HSF2: variants seen among roughly 807,000 people sequenced by gnomAD.
The protein encoded by HSF2 is heat shock transcription factor 2.
Under a neutral mutation model 65.0 loss-of-function variants are expected in HSF2, and 21 were observed. The observed-to-expected ratio is 0.32, with a 90% CI of 0.23 to 0.47. The LOEUF (loss-of-function observed/expected upper bound fraction) is 0.47. HSF2 is among the 20% of genes least tolerant of loss of function. The pLI, the probability that HSF2 is intolerant of heterozygous loss-of-function variation, is 1.00. For synonymous variants in HSF2, 225 were observed against 219.1 expected (o/e 1.03, Z -0.24); for missense variants, 499 against 628.1 (o/e 0.79, Z 2.20).
In HSF2 at chr6:122,422,994, C is replaced by A. The variant is rs796658580; in HGVS notation, c.1070+37C>A. On this transcript the variant is annotated intron_variant, in intron 9 of 12. Coordinates refer to ENST00000368455, the MANE Select transcript of HSF2 (RefSeq NM_004506.4). Reference sequence around the variant, plus strand: ...TCTAGATGTTGTCTAAAATTATTTGCTTTCTTTGTTCACTTCACATGTTCT... The same window carrying A: ...TCTAGATGTTGTCTAAAATTATTTGATTTCTTTGTTCACTTCACATGTTCT... 5 of 1,607,572 alleles carry A rather than the reference C, an allele frequency of 3.1e-6. No individual in the cohort carries two copies. In the African/African-American group the frequency reaches 4.0e-5, roughly 13 times the overall value.
rs1773863558 is a variant in HSF2, at chr6:122,406,218, C to T, written c.94-6155C>T. On this transcript the variant is annotated intron_variant, in intron 1 of 12. Transcript: ENST00000368455. ...TGGAGCAATAAATTGATAACTGGCC[C>T]ATAAACAGACTAGGATTTGTGAATA... 3.9e-5 allele frequency among the ~76,000 whole-genome samples: 6 copies of T among 152,146 alleles called. 1 individual carries two copies. The South Asian group carries it at 1.2e-3, about 32-fold the overall frequency.
chr6:122,423,687 G>A lies in HSF2; in HGVS notation c.1176+1G>A. ...CATAGACCCAGATCTCCTGGTTGAT[G>A]TAGGTACTTTGGGTAATCTTTGCTA... On this transcript the variant is annotated splice_donor_variant, in intron 10 of 12. Transcript: ENST00000368455. LOFTEE classifies it high-confidence loss of function. The A allele has an allele frequency of 6.4e-7, 1 of 1,567,922 alleles. No individual in the cohort carries two copies.
At chr6:122,423,041 CT>C (rs1462768870) in intron 9 of HSF2, 84 bp downstream of exon 9, 8 of 1,470,770 alleles carry the variant, frequency 5.4e-6, no homozygotes, top group African/African-American at 2.8e-5. Flanking sequence ...AGTAATCTTC[CT>C]TTCAGATGAT....
chr6:122,403,771 T>C (rs1773797567), intron 1 of HSF2, among the ~76,000 whole-genome samples: 1 of 152,180 alleles, frequency 6.6e-6, no homozygotes, highest in South Asian at 2.1e-4. Flanking sequence ...TAGTCTGTTG[T>C]CAGAATCAAG....
At chr6:122,422,076 A>T in intron 7 of HSF2, 74 bp from the exon 8 acceptor site, 1 of 1,054,152 alleles carries the variant, frequency 9.5e-7, no homozygotes, top group Non-Finnish European at 1.4e-6. Flanking sequence ...TTGCCTAGTT[A>T]TTTTGTAGAT....
rs1247740949 is a variant in HSF2 at position 122,432,016 on chromosome 6, A to G, written c.1407A>G (p.Ala469=). Residue 469 remains alanine (A), a synonymous_variant, in exon 13 of 13, where the codon GCA becomes GCG. Transcript: ENST00000368455. ...ASSVEQASTT[A]SSEVLSSVDK... ...CTGTTGAACAGGCGAGTACAACAGCATCATCAGAAGTTTTGTCCTCTGTAG... is the reference window on the plus strand; with the variant it reads ...CTGTTGAACAGGCGAGTACAACAGCGTCATCAGAAGTTTTGTCCTCTGTAG... The G allele has an allele frequency of 1.2e-6, 2 of 1,613,996 alleles. No individual in the cohort carries two copies. The highest frequency in any genetic ancestry group is 1.7e-5 in the Admixed American group (1 of 60,000).
chr6:122,426,683 T>C (rs1037463084), intron 10 of HSF2, among the ~76,000 whole-genome samples: 1 of 152,076 alleles, frequency 6.6e-6, no homozygotes. Flanking sequence ...TATGGAACTT[T>C]AAAGAGAGGA....
chr6:122,399,865 G>T (rs1773677785), intron 1 of HSF2, 35 bp downstream of exon 1: 3 of 1,480,906 alleles, frequency 2.0e-6, no homozygotes, highest in African/African-American at 1.4e-5. Context: ...TGAACCCCCT[G>T]AATAACCGCC....
Position 122,422,849 on chromosome 6 carries a change from C to T in HSF2, c.962C>T (p.Pro321Leu). The T allele has an allele frequency of 1.2e-6, 2 of 1,613,710 alleles. No individual in the cohort carries two copies. Among genetic ancestry groups the T allele is most frequent in the South Asian group, 2.2e-5 (2 of 91,084 alleles). ...SLSSGSDGSS[P>L]LMSSAVQLNG... is the part of the protein sequence containing the mutation. ...AGTTCAGGCAGTGATGGCAGCAGCC[C>T]TCTCATGTCTAGTGCTGTCCAGCTA... Residue 321 changes from proline to leucine, a missense_variant, in exon 9 of 13, where the codon CCT becomes CTT. Transcript: ENST00000368455.
At chr6:122,409,126 G>C (rs1388490802) in intron 1 of HSF2, among the ~76,000 whole-genome samples, 2 of 151,828 alleles carry the variant, frequency 1.3e-5, no homozygotes, top group African/African-American at 4.8e-5. Flanking sequence ...GAATATGAAT[G>C]GTGCCACGAT....
intron 10 of HSF2, among the ~76,000 whole-genome samples, chr6:122,426,961 T>G (rs1774351255): frequency 6.6e-6 from 1 of 152,062 alleles, no homozygotes; most frequent in African/African-American, 2.4e-5. Flanking sequence ...GCCGCTAGTA[T>G]TATACCCGTG....
At chr6:122,417,041 C>A (rs766430675) in intron 5 of HSF2, among the ~76,000 whole-genome samples, 4 of 152,016 alleles carry the variant, frequency 2.6e-5, no homozygotes, top group Non-Finnish European at 5.9e-5. Flanking sequence ...GGCCCTTGAA[C>A]TAAAAATAGG....
chr6:122,411,892 C>A (rs929085321), intron 1 of HSF2, among the ~76,000 whole-genome samples: 2 of 151,790 alleles, frequency 1.3e-5, no homozygotes, highest in East Asian at 3.9e-4. Context: ...AATTTAGTAA[C>A]CACGTATCTT....
chr6:122,416,160 T>G, intron 4 of HSF2, 61 bp from the exon 5 acceptor site: 1 of 991,026 alleles, frequency 1.0e-6, no homozygotes, highest in Non-Finnish European at 1.6e-6. Flanking sequence ...TTAAAGATAC[T>G]ATGGTCTGGT....
At chr6:122,401,321 G>GT (rs2114414567) in intron 1 of HSF2, among the ~76,000 whole-genome samples, 1 of 152,296 alleles carries the variant, frequency 6.6e-6, no homozygotes, top group African/African-American at 2.4e-5. Flanking sequence ...AGAAGGATCA[G>GT]TACAGACTGT....
chr6:122,422,276 G>A lies in HSF2; in HGVS notation c.808G>A (p.Asp270Asn). The change falls in exon 8 of 13, where the codon GAT becomes AAT. Residue 270 changes from aspartate (D) to asparagine (N), a missense_variant. Around this residue, in one of 2 missense-constraint regions of HSF2, gnomAD observed 349 missense variants for 393.5 expected, o/e 0.89. Transcript: ENST00000368455. ...NIPVIPETNEDVISDPSNCSQ... is the reference protein window; with the variant it reads ...NIPVIPETNENVISDPSNCSQ... Reference sequence around the variant, plus strand: ...CCCAGTTATTCCAGAAACTAATGAGGATGTTATATCTGATCCCTCCAAGTA... The same window carrying A: ...CCCAGTTATTCCAGAAACTAATGAGAATGTTATATCTGATCCCTCCAAGTA... 6.3e-7 allele frequency: 1 copy of A among 1,599,250 alleles called. No individual in the cohort carries two copies. Among genetic ancestry groups the A allele is most frequent in the Non-Finnish European group, 8.6e-7 (1 of 1,167,624 alleles).
intron 1 of HSF2, among the ~76,000 whole-genome samples, chr6:122,410,410 A>T (rs1343747076): frequency 6.6e-6 from 1 of 151,552 alleles, no homozygotes; most frequent in Non-Finnish European, 1.5e-5. Flanking sequence ...TTAGTTTCTA[A>T]TTTTTTTAAT....
At chr6:122,427,830 G>T in intron 10 of HSF2, 73 bp from the exon 11 acceptor site, 1 of 1,049,898 alleles carries the variant, frequency 9.5e-7, no homozygotes, top group South Asian at 1.4e-5. Context: ...CAACATGGCT[G>T]TATAAAATTT....
intron 1 of HSF2, among the ~76,000 whole-genome samples, chr6:122,400,190 C>T (rs1039567314): frequency 1.3e-5 from 2 of 152,112 alleles, no homozygotes; most frequent in African/African-American, 4.8e-5. Flanking sequence ...CATCCTCCGT[C>T]CTCCCGCCCG....
Sources: gnomAD v4.1 joint callset for allele counts (sites outside exome capture counted in the v4.1 genomes callset) on GRCh38, gnomAD v4.1.1 for gene constraint, gnomAD v4.1.1 regional missense constraint, MANE v1.5 for transcripts, NCBI Gene and HGNC (gene_info 2026-07-23, HGNC 2026-07-21) for gene names.